HCFC2: variants seen among roughly 807,000 people sequenced by gnomAD.
HCFC2 encodes the protein host cell factor C2.
Under a neutral mutation model 89.2 loss-of-function variants are expected in HCFC2, and 18 were observed. That is an observed-to-expected ratio of 0.20 (90% confidence interval 0.14 to 0.30). HCFC2 has a LOEUF of 0.30. Among genes scored for constraint, HCFC2 ranks in the 10% least tolerant of loss-of-function variants. The pLI, the probability that HCFC2 is intolerant of heterozygous loss-of-function variation, is 1.00. For missense variants in HCFC2, 578 were observed against 956.1 expected (o/e 0.60, Z 5.21); for synonymous variants, 308 against 335.7 (o/e 0.92, Z 0.90).
In HCFC2 at chr12:104,068,144, G is replaced by T; in HGVS notation, c.473+37G>T. ...CTTTCAGACCAAATGCTTATTTTAT[G>T]ATTTAGAGTAGGAACATTTTATTTT... On this transcript the variant is annotated intron_variant, in intron 3 of 14. Transcript: ENST00000229330. The surrounding 1 kb of genome is among the most constrained non-coding windows in gnomAD (Gnocchi z 4.1). 1 of 1,490,746 alleles carries T rather than the reference G, an allele frequency of 6.7e-7. No homozygotes were observed. The highest frequency in any genetic ancestry group is 1.3e-5 in the South Asian group (1 of 75,346). 92.3% of individuals were successfully genotyped at this position (1,490,746 alleles called of 1,614,324 possible).
At chr12:104,082,137 C>T (rs1270248554) in intron 5 of HCFC2, among the ~76,000 whole-genome samples, 1 of 152,188 alleles carries the variant, frequency 6.6e-6, no homozygotes, top group Non-Finnish European at 1.5e-5. Flanking sequence ...TTACTATATG[C>T]ATACAATTTT....
intron 4 of HCFC2, 80 bp downstream of exon 4, chr12:104,079,733 T>C (rs1230522451): frequency 5.6e-6 from 6 of 1,078,966 alleles, no homozygotes; most frequent in East Asian, 2.4e-5. Flanking sequence ...GCAGTATTTA[T>C]TGAGTTGTAC....
intron 1 of HCFC2, chr12:104,065,067 A>G (rs1162132054): frequency 2.8e-5 from 6 of 213,824 alleles, no homozygotes. Context: ...CGCCTCTGTC[A>G]AAAAACAAAA....
intron 1 of HCFC2, among the ~76,000 whole-genome samples, chr12:104,065,779 C>T (rs539629080): frequency 6.6e-6 from 1 of 152,272 alleles, no homozygotes; most frequent in African/African-American, 2.4e-5. Context: ...TTTTAAGCCT[C>T]ACAATTTTCA....
chr12:104,071,544 A>G (rs995003498), intron 3 of HCFC2, among the ~76,000 whole-genome samples: 1 of 152,252 alleles, frequency 6.6e-6, no homozygotes, highest in African/African-American at 2.4e-5. Context: ...AGAGTTGGGA[A>G]CACATTAATA....
In HCFC2 at chr12:104,104,852, T is replaced by C. The variant is rs1468153257; in HGVS notation, c.*1579T>C. 6.6e-6 allele frequency: 1 copy of C among 152,034 alleles called. No homozygotes were observed. Among genetic ancestry groups the C allele is most frequent in the East Asian group, 1.9e-4 (1 of 5,198 alleles). The allele number at this position is 152,034 out of a possible 1,614,324, so 9.4% of individuals were successfully genotyped here. A position where few individuals can be genotyped will look rare whatever the true frequency, so the allele number is the denominator to read the frequency against. On this transcript the variant is annotated 3_prime_UTR_variant, in exon 15 of 15. Coordinates refer to ENST00000229330, the MANE Select transcript of HCFC2 (RefSeq NM_013320.3). Reference sequence around the variant, plus strand: ...TAAAATAAATGCACTACTATGGTGTTGTTAGAATACCTTTTTTGTGGCTGT... The same window carrying C: ...TAAAATAAATGCACTACTATGGTGTCGTTAGAATACCTTTTTTGTGGCTGT...
At chr12:104,079,729 T>C in intron 4 of HCFC2, 76 bp downstream of exon 4, 2 of 1,099,040 alleles carry the variant, frequency 1.8e-6, no homozygotes, top group South Asian at 1.3e-5. Flanking sequence ...GATTGCAGTA[T>C]TTATTGAGTT....
At chr12:104,067,478 T>C (rs1157366888) in intron 2 of HCFC2, among the ~76,000 whole-genome samples, 2 of 152,350 alleles carry the variant, frequency 1.3e-5, no homozygotes, top group Middle Eastern at 3.4e-3. Flanking sequence ...AAGCAACTCA[T>C]TGCAAAAATA....
Position 104,087,969 on chromosome 12 carries a change from C to T in HCFC2, c.1232-17C>T, listed in dbSNP as rs749830651. The T allele has an allele frequency of 6.4e-7, 1 of 1,568,250 alleles. No individual in the cohort carries two copies. Among genetic ancestry groups the T allele is most frequent in the Admixed American group, 1.8e-5 (1 of 57,046 alleles). Reference sequence around the variant, plus strand: ...TAGTTAAGAGCATATCAGTCTGAACCTTTCTCATTCCTTCAGGAGTCAGGA... The same window carrying T: ...TAGTTAAGAGCATATCAGTCTGAACTTTTCTCATTCCTTCAGGAGTCAGGA... On this transcript the variant is annotated splice_polypyrimidine_tract_variant and intron_variant, in intron 8 of 14. Transcript: ENST00000229330.
In HCFC2 at chr12:104,096,443, T is replaced by C; in HGVS notation, c.1740+10T>C. ...AGCAACGCCGTTTTCTGTAAGTACATGACCTGGTGATGATGCATGTTTACA... is the reference window on the plus strand; with the variant it reads ...AGCAACGCCGTTTTCTGTAAGTACACGACCTGGTGATGATGCATGTTTACA... On this transcript the variant is annotated intron_variant, in intron 12 of 14. Transcript: ENST00000229330. 6.3e-7 allele frequency: 1 copy of C among 1,592,814 alleles called. No individual in the cohort carries two copies. Among genetic ancestry groups the C allele is most frequent in the Non-Finnish European group, 8.6e-7 (1 of 1,162,938 alleles).
rs139624134 is a variant in HCFC2 at position 104,089,953 on chromosome 12, CCT to C, written c.1284+1916_1284+1917del. Among the ~76,000 whole-genome samples, 260 of 152,208 alleles carry C rather than the reference CCT, an allele frequency of 1.7e-3. 1 individual carries two copies. The highest frequency in any genetic ancestry group is 6.0e-3 in the African/African-American group (251 of 41,532). On this transcript the variant is annotated intron_variant, in intron 9 of 14. Coordinates refer to ENST00000229330, the MANE Select transcript of HCFC2 (RefSeq NM_013320.3). ...CTTGGAACCATTCCTCCTGGAGCCC[CCT>C]GTCCTTATGTACTGGTTCTTCTCTA...
intron 9 of HCFC2, among the ~76,000 whole-genome samples, chr12:104,088,724 T>C (rs753320906): frequency 5.9e-5 from 9 of 152,210 alleles, no homozygotes; most frequent in African/African-American, 1.7e-4. Flanking sequence ...GTCATACTTA[T>C]AGTATGTCAG....
chr12:104,079,036 G>T (rs969452996), intron 3 of HCFC2, among the ~76,000 whole-genome samples: 1 of 152,154 alleles, frequency 6.6e-6, no homozygotes, highest in African/African-American at 2.4e-5. Context: ...GTCACGTAGT[G>T]TGCTTTCACC....
intron 9 of HCFC2, among the ~76,000 whole-genome samples, chr12:104,092,056 A>G (rs759164629): frequency 6.6e-6 from 1 of 152,222 alleles, no homozygotes; most frequent in Non-Finnish European, 1.5e-5. Context: ...AAAAACAGGT[A>G]ATTAGAAAGA....
rs1017172427 is a variant in HCFC2 at position 104,068,618 on chromosome 12, G to C, written c.473+511G>C. Among the ~76,000 whole-genome samples, 4 of 152,130 alleles carry C rather than the reference G, an allele frequency of 2.6e-5. No individual in the cohort carries two copies. The highest frequency in any genetic ancestry group is 9.7e-5 in the African/African-American group (4 of 41,436). ...ATTATTTCCTCCTTTTTCCCAAACAGAATTAATTCACTACCTCTTTTCTTT... is the reference window on the plus strand; with the variant it reads ...ATTATTTCCTCCTTTTTCCCAAACACAATTAATTCACTACCTCTTTTCTTT... On this transcript the variant is annotated intron_variant, in intron 3 of 14. Coordinates refer to ENST00000229330, the MANE Select transcript of HCFC2 (RefSeq NM_013320.3). This position sits in a 1 kb window ranked among gnomAD's most constrained non-coding sequence, Gnocchi z 4.1.
At chr12:104,067,695 T>C (rs1017972672) in intron 2 of HCFC2, among the ~76,000 whole-genome samples, 1 of 152,242 alleles carries the variant, frequency 6.6e-6, no homozygotes, top group Admixed American at 6.5e-5. Context: ...TTAGAACAGT[T>C]AGTGTTTATT....
Position 104,077,263 on chromosome 12 carries a change from G to A in HCFC2, c.474-2182G>A, listed in dbSNP as rs147912980. ...TTTTTGTTTTTTGTTTTTTTTTTGA[G>A]ACGGAGTCTCGTTGTGTCACCCAGG... On this transcript the variant is annotated intron_variant, in intron 3 of 14. Coordinates refer to ENST00000229330, the MANE Select transcript of HCFC2 (RefSeq NM_013320.3). Among the ~76,000 whole-genome samples, 491 of 149,944 alleles carry A rather than the reference G, an allele frequency of 3.3e-3. 4 individuals are homozygous for A. The highest frequency in any genetic ancestry group is 0.012 in the African/African-American group (470 of 40,802).
chr12:104,099,849 G>T (rs536066234), intron 13 of HCFC2, among the ~76,000 whole-genome samples: 1 of 152,046 alleles, frequency 6.6e-6, no homozygotes, highest in Non-Finnish European at 1.5e-5. Flanking sequence ...TAGAGACTGG[G>T]TTTCACCATG....
intron 3 of HCFC2, among the ~76,000 whole-genome samples, chr12:104,076,213 T>G (rs577599653): frequency 2.0e-5 from 3 of 152,360 alleles, no homozygotes; most frequent in East Asian, 3.9e-4. Flanking sequence ...ACTCCTAGGC[T>G]CAAGTAATCT....
Sources: gnomAD v4.1 joint callset for allele counts (sites outside exome capture counted in the v4.1 genomes callset) on GRCh38, gnomAD v4.1.1 for gene constraint, Gnocchi (gnomAD v3.1) non-coding constraint, MANE v1.5 for transcripts, NCBI Gene and HGNC (gene_info 2026-07-23, HGNC 2026-07-21) for gene names.